The following CCDC88C variants were observed in gnomAD, a reference collection of about 807,000 sequenced individuals.
CCDC88C encodes the protein coiled-coil and HOOK domain protein 88C.
CCDC88C carries 131 observed loss-of-function variants against 198.8 expected under a neutral mutation model. The observed-to-expected ratio is 0.66, with a 90% CI of 0.57 to 0.76. The LOEUF is 0.76. Ranked by LOEUF, CCDC88C falls within the 30% of genes least tolerant of loss-of-function variation. The pLI is 0.00. For synonymous variants in CCDC88C, 1,166 were observed against 1,114.7 expected (o/e 1.05, Z -0.92); for missense variants, 2,553 against 2,631.6 (o/e 0.97, Z 0.65).
chr14:91,345,192 T>TATA (rs1596094632), intron 4 of CCDC88C, among the ~76,000 whole-genome samples: 28 of 87,280 alleles, frequency 3.2e-4, no homozygotes, highest in African/African-American at 1.2e-3. Flanking sequence ...ATATATATAT[T>TATA]TTTTTTTTTT....
At chr14:91,278,258 C>A (rs1168021838) in intron 28 of CCDC88C, 47 bp from the exon 29 acceptor site, 3 of 1,531,434 alleles carry the variant, frequency 2.0e-6, no homozygotes, top group Admixed American at 3.8e-5. Flanking sequence ...GTCTTGGCAG[C>A]CCTCTGGTGG....
At chr14:91,399,567 G>C (rs185570789) in intron 3 of CCDC88C, among the ~76,000 whole-genome samples, 213 of 152,318 alleles carry the variant, frequency 1.4e-3, no homozygotes, top group Non-Finnish European at 2.6e-3. Flanking sequence ...GCCAGGCTCA[G>C]TGGCTCACGC....
Position 91,279,264 on chromosome 14 carries a change from C to A in CCDC88C, c.4742G>T (p.Ser1581Ile), listed in dbSNP as rs540907763. The stretch of plus-strand genomic sequence containing the variant: ...TTTTAGGTTAAGAGGTGAGCTGTTG[C>A]TGGATGTGTTTCTACTGCTCTCTAA... The part of the protein sequence containing the change: ...SSLESSRNTS[S>I]NSSPLNLKGS... Residue 1581 changes from serine (S) to isoleucine (I), a missense_variant, in exon 28 of 30, where the codon AGC becomes ATC. Physicochemically the swap from Ser to Ile is moderately radical, Grantham distance 142. Around this residue, in one of 2 missense-constraint regions of CCDC88C, gnomAD observed 1,293 missense variants for 1,219.6 expected, o/e 1.06. Transcript: ENST00000389857. 3 of 1,602,266 alleles carry A rather than the reference C, an allele frequency of 1.9e-6. No individual in the cohort carries two copies. Among genetic ancestry groups the A allele is most frequent in the African/African-American group, 1.3e-5 (1 of 74,918 alleles).
At chr14:91,290,494 G>A (rs1235558759) in intron 24 of CCDC88C, among the ~76,000 whole-genome samples, 3 of 152,232 alleles carry the variant, frequency 2.0e-5, no homozygotes, top group Admixed American at 6.5e-5. Flanking sequence ...CACTTGGGGA[G>A]AGCTGCTGCT....
intron 4 of CCDC88C, among the ~76,000 whole-genome samples, chr14:91,345,652 T>G (rs1893512351): frequency 6.6e-6 from 1 of 152,184 alleles, no homozygotes; most frequent in Admixed American, 6.5e-5. Flanking sequence ...CTACCCTTGA[T>G]CAACATTTAC....
At chr14:91,306,047 C>T (rs1320257357) in intron 18 of CCDC88C, 121 bp from the exon 19 acceptor site, 27 of 918,638 alleles carry the variant, frequency 2.9e-5, no homozygotes, top group Middle Eastern at 2.2e-4. Flanking sequence ...ATCGAGGGTC[C>T]GCTGGATGAG....
intron 10 of CCDC88C, among the ~76,000 whole-genome samples, chr14:91,334,043 C>G (rs564498187): frequency 6.6e-6 from 1 of 152,170 alleles, no homozygotes. Flanking sequence ...CCTGAAAGGT[C>G]GAAATAATTG....
chr14:91,402,736 A>G (rs1886278397), intron 3 of CCDC88C, among the ~76,000 whole-genome samples: 1 of 152,232 alleles, frequency 6.6e-6, no homozygotes, highest in Admixed American at 6.5e-5. Context: ...CAAATATGGA[A>G]AAATAGAACC....
chr14:91,362,212 C>A (rs1226857140), intron 3 of CCDC88C, among the ~76,000 whole-genome samples: 1 of 145,912 alleles, frequency 6.9e-6, no homozygotes, highest in Non-Finnish European at 1.5e-5. Context: ...CCAGCCTGGG[C>A]AACAGAGCAA....
At chr14:91,322,905 T>TC (rs1491328927) in intron 12 of CCDC88C, among the ~76,000 whole-genome samples, 4 of 30,962 alleles carry the variant, frequency 1.3e-4, no homozygotes, top group Non-Finnish European at 5.2e-4. Flanking sequence ...AGTGTTTCTC[T>TC]TTTTTTTTTT....
chr14:91,296,259 CCT>C (rs1344789468), intron 22 of CCDC88C, among the ~76,000 whole-genome samples: 1 of 152,236 alleles, frequency 6.6e-6, no homozygotes, highest in Admixed American at 6.5e-5. Context: ...TGTGTTCCAC[CCT>C]GAGTGAATCA....
At chr14:91,315,564 A>G in intron 14 of CCDC88C, 86 bp downstream of exon 14, 1 of 1,464,968 alleles carries the variant, frequency 6.8e-7, no homozygotes, top group South Asian at 1.2e-5. Context: ...TGCATCCACA[A>G]TACAGTACCA....
At chr14:91,411,086 A>G (rs1024915485) in intron 2 of CCDC88C, among the ~76,000 whole-genome samples, 1 of 152,192 alleles carries the variant, frequency 6.6e-6, no homozygotes, top group African/African-American at 2.4e-5. Context: ...ATGAGTAATT[A>G]AGCTACTTAC....
intron 6 of CCDC88C, chr14:91,342,117 AAAG>A (rs1347037575): frequency 1.6e-5 from 6 of 376,982 alleles, no homozygotes; most frequent in Non-Finnish European, 2.4e-5. Context: ...TATAAGGCAA[AAAG>A]AAGGAGACAA....
chr14:91,336,597 C>G (rs1437199031), intron 10 of CCDC88C, among the ~76,000 whole-genome samples: 1 of 151,392 alleles, frequency 6.6e-6, no homozygotes, highest in Non-Finnish European at 1.5e-5. Context: ...CCTCTCATAA[C>G]CCAGAGAGCC....
At chr14:91,394,786 C>T (rs549925492) in intron 3 of CCDC88C, among the ~76,000 whole-genome samples, 6 of 152,272 alleles carry the variant, frequency 3.9e-5, no homozygotes, top group Non-Finnish European at 2.9e-5. Flanking sequence ...AGGAGAAAAA[C>T]GTGCAGGGCT....
chr14:91,281,216 GGA>G, intron 27 of CCDC88C: 3 of 1,018,768 alleles, frequency 2.9e-6, no homozygotes, highest in Non-Finnish European at 2.9e-6. Context: ...GGCATGAAGA[GGA>G]GAGGTCGGTG....
intron 3 of CCDC88C, among the ~76,000 whole-genome samples, chr14:91,370,633 T>C (rs928411685): frequency 6.6e-6 from 1 of 152,178 alleles, no homozygotes; most frequent in Non-Finnish European, 1.5e-5. Flanking sequence ...TCAGGAACCA[T>C]TTTACAAGAG....
chr14:91,372,341 C>T (rs868786143), intron 3 of CCDC88C, among the ~76,000 whole-genome samples: 35 of 151,980 alleles, frequency 2.3e-4, no homozygotes, highest in Admixed American at 1.6e-3. Context: ...GAGCTCACAG[C>T]CTGATCCCAC....
Sources: allele counts gnomAD v4.1 joint callset (sites outside exome capture counted in the v4.1 genomes callset), GRCh38; gene constraint gnomAD v4.1.1; regional missense constraint gnomAD v4.1.1; transcripts MANE v1.5; gene names NCBI Gene and HGNC (gene_info 2026-07-23, HGNC 2026-07-21).